The following MINDY2 variants were observed in gnomAD, a reference collection of about 807,000 sequenced individuals.
MINDY2 encodes MINDY lysine 48 deubiquitinase 2, also known as ubiquitin carboxyl-terminal hydrolase MINDY-2.
In MINDY2, 52 loss-of-function variants were observed where a neutral mutation model predicts 68.2. That is an observed-to-expected ratio of 0.76 (90% CI 0.61 to 0.96). The LOEUF (loss-of-function observed/expected upper bound fraction) is 0.96, where lower values mean the gene tolerates loss of function less well. Ranked by LOEUF, MINDY2 falls within the 40% of genes least tolerant of loss-of-function variation. MINDY2 has a pLI of 0.00. For synonymous variants in MINDY2, 372 were observed against 303.0 expected, an observed-to-expected ratio of 1.23 and a Z score of -2.36; for missense variants, 881 against 773.4, an observed-to-expected ratio of 1.14 and a Z score of -1.65.
At chr15:58,847,243 T>A in intron 6 of MINDY2, 54 bp from the exon 7 acceptor site, 1 of 1,352,806 alleles carries the variant, frequency 7.4e-7, no homozygotes. Flanking sequence ...AAATATTATA[T>A]TACTAGTTTT....
chr15:58,772,350 T>G, intron 1 of MINDY2, 115 bp downstream of exon 1: 1 of 1,450,154 alleles, frequency 6.9e-7, no homozygotes, highest in Non-Finnish European at 9.3e-7. Flanking sequence ...TCAGTCCCCT[T>G]CTTACATGAA....
At chr15:58,779,485 T>C (rs1358994995) in intron 1 of MINDY2, among the ~76,000 whole-genome samples, 1 of 152,218 alleles carries the variant, frequency 6.6e-6, no homozygotes, top group Admixed American at 6.5e-5. Context: ...AACATTGTAA[T>C]CACACAAATT....
intron 5 of MINDY2, among the ~76,000 whole-genome samples, chr15:58,828,233 G>A (rs537324346): frequency 7.3e-4 from 110 of 150,646 alleles, no homozygotes; most frequent in Non-Finnish European, 1.2e-3. Flanking sequence ...AAATTGTTTT[G>A]CCCATCCTTT....
At chr15:58,812,057 T>G (rs2030316070) in intron 4 of MINDY2, among the ~76,000 whole-genome samples, 1 of 152,350 alleles carries the variant, frequency 6.6e-6, no homozygotes, top group Non-Finnish European at 1.5e-5. Flanking sequence ...TTATTTTGTT[T>G]TATGGTATGA....
intron 4 of MINDY2, among the ~76,000 whole-genome samples, chr15:58,816,624 A>C (rs1193242329): frequency 2.0e-5 from 3 of 152,132 alleles, no homozygotes; most frequent in Non-Finnish European, 2.9e-5. Context: ...ATGACAGAGA[A>C]TAGAGGCCTA....
chr15:58,846,695 CAG>C (rs1200086627), intron 6 of MINDY2, among the ~76,000 whole-genome samples: 3 of 150,942 alleles, frequency 2.0e-5, no homozygotes, highest in Non-Finnish European at 2.9e-5. Context: ...TATGCACGTA[CAG>C]AGTTTATGTG....
At chr15:58,772,267 T>G in intron 1 of MINDY2, 32 bp downstream of exon 1, 7 of 1,602,940 alleles carry the variant, frequency 4.4e-6, no homozygotes, top group East Asian at 2.2e-5. Context: ...TTCCTACAGC[T>G]TTTGGGGTGG....
At chr15:58,830,607 G>A (rs978558227) in intron 5 of MINDY2, among the ~76,000 whole-genome samples, 5 of 152,046 alleles carry the variant, frequency 3.3e-5, no homozygotes, top group Admixed American at 2.0e-4. Context: ...ATGCCTGAAC[G>A]AAACCTATCT....
In MINDY2 at chr15:58,843,666, G is replaced by A. The variant is rs1315636967; in HGVS notation, c.1369-3631G>A. On this transcript the variant is annotated intron_variant, in intron 6 of 8. Transcript: ENST00000559228. ...CTGACCAACACAGTGAAACCCCCTC[G>A]CTACTAAAAATACAAAAATTAGCCG... Among the ~76,000 whole-genome samples, 16 of 151,230 alleles carry A rather than the reference G, an allele frequency of 1.1e-4. No individual in the cohort carries two copies. In the East Asian group the frequency reaches 1.9e-3, roughly 18 times the overall value.
intron 6 of MINDY2, among the ~76,000 whole-genome samples, chr15:58,836,778 C>T (rs1201107295): frequency 6.6e-6 from 1 of 152,004 alleles, no homozygotes; most frequent in Non-Finnish European, 1.5e-5. Flanking sequence ...ACGATCACAC[C>T]TGGCCAATTT....
chr15:58,771,435 G>A lies in MINDY2; in HGVS notation c.40G>A (p.Gly14Arg), dbSNP rs1435397710. ...SPESLQPLEH[G>R]VAAGPASGTG... Reference sequence around the variant, plus strand: ...CGAGAGCCTGCAGCCGCTAGAACACGGGGTGGCGGCCGGGCCAGCGTCAGG... The same window carrying A: ...CGAGAGCCTGCAGCCGCTAGAACACAGGGTGGCGGCCGGGCCAGCGTCAGG... The change falls in exon 1 of 9, where the codon GGG becomes AGG. Residue 14 changes from glycine (G) to arginine (R), a missense_variant. Gly to Arg is a moderately radical substitution (Grantham distance 125). Transcript: ENST00000559228. The A allele has an allele frequency of 9.3e-6, 15 of 1,612,054 alleles. No individual in the cohort carries two copies. The highest frequency in any genetic ancestry group is 1.3e-5 in the African/African-American group (1 of 74,896).
At chr15:58,795,571 A>AT (rs1247293797) in intron 2 of MINDY2, among the ~76,000 whole-genome samples, 2 of 151,622 alleles carry the variant, frequency 1.3e-5, no homozygotes, top group Non-Finnish European at 2.9e-5. Flanking sequence ...CGCCCAGCTA[A>AT]TTTTTTGTAT....
intron 2 of MINDY2, among the ~76,000 whole-genome samples, chr15:58,800,957 A>G (rs1006865289): frequency 3.9e-5 from 6 of 152,150 alleles, no homozygotes; most frequent in Admixed American, 1.3e-4. Context: ...ACCAGTTGAC[A>G]AGATTTTTTA....
chr15:58,821,789 C>G lies in MINDY2; in HGVS notation c.1195C>G (p.Gln399Glu). 1 of 1,591,856 alleles carries G rather than the reference C, an allele frequency of 6.3e-7. No individual in the cohort carries two copies. Among genetic ancestry groups the G allele is most frequent in the Non-Finnish European group, 8.5e-7 (1 of 1,172,038 alleles). The change falls in exon 5 of 9, where the codon CAG (glutamine) becomes GAG (glutamate). Residue 399 changes from glutamine to glutamate, a missense_variant. Gln to Glu is a conservative substitution (Grantham distance 29). Transcript: ENST00000559228. ...AGTGGAGAAGATCATCTCTTGTAAA[C>G]AGTCAGACAATAGTGAGCTGGTTAG... The part of the protein sequence containing the change: ...QLVEKIISCK[Q>E]SDNSELVSEG...
chr15:58,822,913 T>A (rs1388735842), intron 5 of MINDY2, among the ~76,000 whole-genome samples: 1 of 152,136 alleles, frequency 6.6e-6, no homozygotes, highest in Non-Finnish European at 1.5e-5. Context: ...ACATAAGATA[T>A]AATAAAAGTT....
chr15:58,808,503 G>A (rs569152452), intron 3 of MINDY2, among the ~76,000 whole-genome samples: 85 of 151,994 alleles, frequency 5.6e-4, no homozygotes, highest in African/African-American at 1.9e-3. Flanking sequence ...TTACTACTAC[G>A]CATTTAAGTT....
At chr15:58,787,821 C>A in intron 1 of MINDY2, 85 bp from the exon 2 acceptor site, 1 of 741,872 alleles carries the variant, frequency 1.3e-6, no homozygotes, top group Non-Finnish European at 2.2e-6. Flanking sequence ...CATAATTAGA[C>A]ATAAGTATTT....
At chr15:58,839,322 T>TTTTGTTTGTTTGTTTGTTTG (rs57863736) in intron 6 of MINDY2, among the ~76,000 whole-genome samples, 3 of 148,648 alleles carry the variant, frequency 2.0e-5, no homozygotes, top group African/African-American at 7.7e-5. Flanking sequence ...TAGACTGTTT[T>TTTTGTTTGTTTGTTTGTTTG]TTTGTTTGTT....
intron 1 of MINDY2, among the ~76,000 whole-genome samples, chr15:58,776,762 C>T (rs193115509): frequency 3.3e-5 from 5 of 152,238 alleles, no homozygotes; most frequent in African/African-American, 7.2e-5. Context: ...TGGCTCATGC[C>T]TGTCGTCCCA....
Sources: gnomAD v4.1 joint callset for allele counts (sites outside exome capture counted in the v4.1 genomes callset) on GRCh38, gnomAD v4.1.1 for gene constraint, MANE v1.5 for transcripts, NCBI Gene and HGNC (gene_info 2026-07-23, HGNC 2026-07-21) for gene names.